TSC1: variants seen among roughly 807,000 people sequenced by gnomAD.
The protein encoded by TSC1 is TSC complex subunit 1, also known as hamartin.
TSC1 carries 20 observed loss-of-function variants against 124.3 expected under a neutral mutation model. That is an observed-to-expected ratio of 0.16 (90% confidence interval 0.11 to 0.23). TSC1 has a LOEUF of 0.23. Among genes scored for constraint, TSC1 ranks in the 10% least tolerant of loss-of-function variants. The pLI is 1.00. For synonymous variants in TSC1, 493 were observed against 539.1 expected, an observed-to-expected ratio of 0.91 and a Z score of 1.19; for missense variants, 1,124 against 1,448.5, an observed-to-expected ratio of 0.78 and a Z score of 3.64.
At position 132,903,815 on chromosome 9, in the gene TSC1, A is replaced by G. The variant is rs1588304748; in HGVS notation, c.2044T>C (p.Ser682Pro). 3 of 1,613,744 alleles carry G rather than the reference A, an allele frequency of 1.9e-6. No homozygotes were observed. The highest frequency in any genetic ancestry group is 2.5e-6 in the Non-Finnish European group (3 of 1,180,022). Reference sequence around the variant, plus strand: ...GTGCGGATCTCATCTGAAGGAGGAGAGCCTGATTGTAAAGCAGAGGGAGGG... The same window carrying G: ...GTGCGGATCTCATCTGAAGGAGGAGGGCCTGATTGTAAAGCAGAGGGAGGG... ...KSVDWTHFGGSPPSDEIRTLR... is the reference protein window; with the variant it reads ...KSVDWTHFGGPPPSDEIRTLR... The change falls in exon 17 of 23, where the codon TCT becomes CCT. Residue 682 changes from serine to proline, a missense_variant and splice_region_variant. Ser to Pro is a moderately conservative substitution (Grantham distance 74). Around this residue, in one of 5 missense-constraint regions of TSC1, gnomAD observed 321 missense variants for 397.4 expected, o/e 0.81. Coordinates refer to ENST00000298552, the MANE Select transcript of TSC1 (RefSeq NM_000368.5). This position sits in a 1 kb window ranked among gnomAD's most constrained non-coding sequence, Gnocchi z 5.9.
intron 19 of TSC1, among the ~76,000 whole-genome samples, chr9:132,901,169 C>T (rs75325607): frequency 2.8e-3 from 425 of 152,296 alleles, no homozygotes; most frequent in African/African-American, 7.0e-3. Context: ...GAAAACTCAC[C>T]GTTCTTGACA....
chr9:132,931,866 T>C (rs760873083), intron 2 of TSC1, among the ~76,000 whole-genome samples: 1 of 152,184 alleles, frequency 6.6e-6, no homozygotes, highest in South Asian at 2.1e-4. Context: ...CAGCCCTACA[T>C]GGACTCAGTC....
intron 1 of TSC1, among the ~76,000 whole-genome samples, chr9:132,938,427 T>C (rs370160727): frequency 1.6e-4 from 24 of 152,364 alleles, no homozygotes; most frequent in African/African-American, 4.8e-4. Context: ...TTCTCACTTA[T>C]GTTCATCATT....
rs2131731368 is a variant in TSC1, at chr9:132,902,653, C to T, written c.2343G>A (p.Gln781=). The T allele has an allele frequency of 6.2e-7, 1 of 1,614,206 alleles. No individual in the cohort carries two copies. Among genetic ancestry groups the T allele is most frequent in the Non-Finnish European group, 8.5e-7 (1 of 1,180,040 alleles). Residue 781 remains glutamine, a synonymous_variant, in exon 18 of 23, where the codon CAG becomes CAA. Transcript: ENST00000298552. This position sits in a 1 kb window ranked among gnomAD's most constrained non-coding sequence, Gnocchi z 5.2. ...MVTKLHSQIR[Q]LQHDREEFYN... ...AGAATTCCTCTCGGTCATGCTGCAG[C>T]TGTCTGATCTGGCTGTGGAGCTTGG...
chr9:132,900,475 C>G, intron 20 of TSC1: 2 of 538,222 alleles, frequency 3.7e-6, no homozygotes, highest in South Asian at 1.9e-5. Flanking sequence ...TACACCTACT[C>G]TCTACCAACT....
At chr9:132,938,272 G>C (rs1323346387) in intron 1 of TSC1, among the ~76,000 whole-genome samples, 1 of 152,192 alleles carries the variant, frequency 6.6e-6, no homozygotes, top group African/African-American at 2.4e-5. Context: ...CCTCCTGAGG[G>C]GAAGGGAGGA....
chr9:132,935,990 G>A (rs1847439151), intron 1 of TSC1, among the ~76,000 whole-genome samples: 1 of 152,176 alleles, frequency 6.6e-6, no homozygotes, highest in African/African-American at 2.4e-5. Context: ...TACTGAACAT[G>A]CCTCCTTCAC....
rs1028822333 is a variant in TSC1, at chr9:132,895,821, C to T, written c.*414G>A. 1 of 300,736 alleles carries T rather than the reference C, an allele frequency of 3.3e-6. No individual in the cohort carries two copies. Among genetic ancestry groups the T allele is most frequent in the African/African-American group, 2.1e-5 (1 of 47,094 alleles). 18.6% of individuals were successfully genotyped at this position (300,736 alleles called of 1,614,324 possible). Reference sequence around the variant, plus strand: ...ACTTACCTGCAATGCAACAAACTACCTGGTCTAATTGAGAGCCAACCCAGT... The same window carrying T: ...ACTTACCTGCAATGCAACAAACTACTTGGTCTAATTGAGAGCCAACCCAGT... On this transcript the variant is annotated 3_prime_UTR_variant, in exon 23 of 23. Coordinates refer to ENST00000298552, the MANE Select transcript of TSC1 (RefSeq NM_000368.5).
intron 20 of TSC1, among the ~76,000 whole-genome samples, chr9:132,898,510 A>C (rs1845204071): frequency 6.6e-6 from 1 of 152,224 alleles, no homozygotes; most frequent in African/African-American, 2.4e-5. Flanking sequence ...TGGTAAGCCC[A>C]ATGCTTCCTT....
chr9:132,937,289 CA>C (rs1321884620), intron 1 of TSC1, among the ~76,000 whole-genome samples: 1 of 152,084 alleles, frequency 6.6e-6, no homozygotes, highest in Non-Finnish European at 1.5e-5. Context: ...ACTGAAAATA[CA>C]AAACTAGCCA....
At chr9:132,943,974 T>C (rs1346302507) in intron 1 of TSC1, 1 of 152,184 alleles carries the variant, frequency 6.6e-6, no homozygotes, top group African/African-American at 2.4e-5. Context: ...TAACTGTCTT[T>C]CACCACCAAT....
Position 132,906,712 on chromosome 9 carries a change from G to C in TSC1, c.1438+19C>G, listed in dbSNP as rs778924863. 6.3e-7 allele frequency: 1 copy of C among 1,596,064 alleles called. No individual in the cohort carries two copies. The highest frequency in any genetic ancestry group is 1.1e-5 in the South Asian group (1 of 89,904). ...GAGGGTCAGGTTTTATCAACTCATAGCAATCCCACATACATTACCTTCTTC... is the reference window on the plus strand; with the variant it reads ...GAGGGTCAGGTTTTATCAACTCATACCAATCCCACATACATTACCTTCTTC... On this transcript the variant is annotated intron_variant, in intron 14 of 22. Coordinates refer to ENST00000298552, the MANE Select transcript of TSC1 (RefSeq NM_000368.5). This position sits in a 1 kb window ranked among gnomAD's most constrained non-coding sequence, Gnocchi z 4.1.
chr9:132,945,000 C>A (rs977549260), upstream of TSC1, among the ~76,000 whole-genome samples: 2 of 152,048 alleles, frequency 1.3e-5, no homozygotes, highest in Non-Finnish European at 2.9e-5. Context: ...AACAAGCTGG[C>A]GGCGCCTGGG....
chr9:132,902,546 C>A lies in TSC1; in HGVS notation c.2391+59G>T. On this transcript the variant is annotated intron_variant, in intron 18 of 22. Coordinates refer to ENST00000298552, the MANE Select transcript of TSC1 (RefSeq NM_000368.5). This position sits in a 1 kb window ranked among gnomAD's most constrained non-coding sequence, Gnocchi z 5.2. Reference sequence around the variant, plus strand: ...GACACCCAGGGAAACTGACTGCCTCCCTCCCCACTGCTCTCCGGCATTCTC... The same window carrying A: ...GACACCCAGGGAAACTGACTGCCTCACTCCCCACTGCTCTCCGGCATTCTC... The A allele has an allele frequency of 6.2e-7, 1 of 1,603,050 alleles. No individual in the cohort carries two copies. Among genetic ancestry groups the A allele is most frequent in the South Asian group, 1.1e-5 (1 of 90,730 alleles).
intron 8 of TSC1, among the ~76,000 whole-genome samples, chr9:132,913,573 T>C (rs1846082993): frequency 6.6e-6 from 1 of 151,974 alleles, no homozygotes; most frequent in Non-Finnish European, 1.5e-5. Context: ...GAGCCTGTAA[T>C]CCCAGCACTT....
In TSC1 at chr9:132,910,740, G is replaced by A. The variant is rs367559276; in HGVS notation, c.1142-48C>T. ...ATATGAACACTGAGCCCAACTATTA[G>A]AAAAACTGCCGATTTTTTTTCAGCC... On this transcript the variant is annotated intron_variant, in intron 11 of 22. Transcript: ENST00000298552. 5.6e-6 allele frequency: 9 copies of A among 1,611,508 alleles called. No homozygotes were observed. The African/African-American group carries it at 9.3e-5, about 17-fold the overall frequency.
At chr9:132,945,102 G>A (rs1848024364), upstream of TSC1, 1 of 152,506 alleles carries the variant, frequency 6.6e-6, no homozygotes, top group Non-Finnish European at 1.5e-5. Flanking sequence ...GGCGGCCTCA[G>A]AGCAGCGATC....
At chr9:132,922,058 C>T (rs2132166506) in intron 6 of TSC1, 85 bp from the exon 7 acceptor site, 1 of 1,552,576 alleles carries the variant, frequency 6.4e-7, no homozygotes, top group South Asian at 1.1e-5. Context: ...TGGCTGCCAG[C>T]AGGACTTTTT....
At chr9:132,901,080 C>T (rs1845350650) in intron 19 of TSC1, among the ~76,000 whole-genome samples, 1 of 152,108 alleles carries the variant, frequency 6.6e-6, no homozygotes, top group Admixed American at 6.5e-5. Flanking sequence ...AAATGCAGTC[C>T]ATCAAACTGA....
Sources: allele counts gnomAD v4.1 joint callset (sites outside exome capture counted in the v4.1 genomes callset), GRCh38; gene constraint gnomAD v4.1.1; regional missense constraint gnomAD v4.1.1; non-coding constraint Gnocchi (gnomAD v3.1); transcripts MANE v1.5; gene names NCBI Gene and HGNC (gene_info 2026-07-23, HGNC 2026-07-21).